Variants in CFAP299 observed in about 807,000 individuals in gnomAD.
CFAP299 encodes the protein cilia- and flagella-associated protein 299.
A neutral mutation model predicts 27.0 loss-of-function variants in CFAP299; 21 were observed. The observed-to-expected ratio is 0.78, with a 90% confidence interval of 0.55 to 1.12. The LOEUF (loss-of-function observed/expected upper bound fraction) is 1.12, where lower values mean the gene tolerates loss of function less well. Ranked by LOEUF, CFAP299 falls within the 50% of genes most tolerant of loss-of-function variation. The pLI is 0.00. For missense variants in CFAP299, 310 were observed against 276.6 expected (o/e 1.12, Z -0.86); for synonymous variants, 104 against 98.1 (o/e 1.06, Z -0.36).
intron 2 of CFAP299, among the ~76,000 whole-genome samples, chr4:80,462,562 C>A (rs1729491086): frequency 6.6e-6 from 1 of 152,140 alleles, no homozygotes; most frequent in African/African-American, 2.4e-5. Flanking sequence ...GTTTTATCTC[C>A]CTATCCCTTC....
intron 2 of CFAP299, among the ~76,000 whole-genome samples, chr4:80,390,677 G>T: frequency 7.4e-6 from 1 of 134,382 alleles, no homozygotes; most frequent in African/African-American, 2.8e-5. Context: ...ATGTATACAT[G>T]TATACACACA....
chr4:80,874,261 T>C (rs1402693895), intron 4 of CFAP299, among the ~76,000 whole-genome samples: 1 of 152,170 alleles, frequency 6.6e-6, no homozygotes, highest in Non-Finnish European at 1.5e-5. Context: ...TTCACTGAAT[T>C]TGAAAGAGGG....
chr4:80,646,984 AGAGAGT>A lies in CFAP299; in HGVS notation c.333+63803_333+63808del, dbSNP rs143337089. Among the ~76,000 whole-genome samples, 1,411 of 144,990 alleles carry A rather than the reference AGAGAGT, an allele frequency of 9.7e-3. 21 individuals carry two copies. Among genetic ancestry groups the A allele is most frequent in the African/African-American group, 0.034 (1,324 of 38,730 alleles). On this transcript the variant is annotated intron_variant, in intron 3 of 5. Transcript: ENST00000358105. Reference sequence around the variant, plus strand: ...CCAATTCTTTGAGAGAGAGAGAGAGAGAGAGTGTGTGTGTGTGTGTGTGTGTGTGTG... The same window carrying A: ...CCAATTCTTTGAGAGAGAGAGAGAGAGTGTGTGTGTGTGTGTGTGTGTGTG...
intron 2 of CFAP299, among the ~76,000 whole-genome samples, chr4:80,467,638 A>G (rs1365380308): frequency 1.3e-5 from 2 of 152,272 alleles, no homozygotes; most frequent in African/African-American, 4.8e-5. Context: ...AGTATGGAAT[A>G]TGTAATATAA....
At chr4:80,954,431 G>A (rs548800122) in intron 5 of CFAP299, among the ~76,000 whole-genome samples, 1 of 152,276 alleles carries the variant, frequency 6.6e-6, no homozygotes, top group African/African-American at 2.4e-5. Flanking sequence ...AGCATGAATA[G>A]TGACCAAGAC....
At chr4:80,899,451 C>A (rs1384877516) in intron 4 of CFAP299, among the ~76,000 whole-genome samples, 1 of 152,038 alleles carries the variant, frequency 6.6e-6, no homozygotes, top group African/African-American at 2.4e-5. Context: ...GAAAATGAAT[C>A]TGAGAAGGAA....
intron 3 of CFAP299, among the ~76,000 whole-genome samples, chr4:80,717,232 A>G (rs1722541817): frequency 6.6e-6 from 1 of 152,108 alleles, no homozygotes; most frequent in Non-Finnish European, 1.5e-5. Flanking sequence ...ACATAGGACC[A>G]CTTAGAGGAG....
At position 80,590,654 on chromosome 4, in the gene CFAP299, C is replaced by T. The variant is rs146150709; in HGVS notation, c.333+7471C>T. 1.6e-3 allele frequency among the ~76,000 whole-genome samples: 248 copies of T among 152,038 alleles called. 4 individuals carry two copies. The highest frequency in any genetic ancestry group is 5.8e-3 in the African/African-American group (240 of 41,482). On this transcript the variant is annotated intron_variant, in intron 3 of 5. Transcript: ENST00000358105. ...CTCTGTCTCAGAAAACAAAACAAAA[C>T]CATGCACACGGCATCCTTAATAACT...
At chr4:80,469,661 G>A (rs1197695553) in intron 2 of CFAP299, among the ~76,000 whole-genome samples, 1 of 152,080 alleles carries the variant, frequency 6.6e-6, no homozygotes, top group South Asian at 2.1e-4. Flanking sequence ...CTTTAAGAGT[G>A]TAATGCCAGA....
At chr4:80,712,342 G>T (rs1722225399) in intron 3 of CFAP299, among the ~76,000 whole-genome samples, 1 of 152,176 alleles carries the variant, frequency 6.6e-6, no homozygotes, top group Non-Finnish European at 1.5e-5. Context: ...CTGAGATAAA[G>T]CAGATTAGCT....
Position 80,953,209 on chromosome 4 carries a change from C to T in CFAP299, c.606+8270C>T, listed in dbSNP as rs368674863. Reference sequence around the variant, plus strand: ...ATTGGGCCAGTGGGGCAGGGGATATCTACTGAATCACCAACACCACTTTTT... The same window carrying T: ...ATTGGGCCAGTGGGGCAGGGGATATTTACTGAATCACCAACACCACTTTTT... On this transcript the variant is annotated intron_variant, in intron 5 of 5. Transcript: ENST00000358105. Among the ~76,000 whole-genome samples the T allele has an allele frequency of 5.3e-5, 8 of 152,306 alleles. 1 individual carries two copies. The highest frequency in any genetic ancestry group is 1.9e-4 in the African/African-American group (8 of 41,574).
chr4:80,451,258 T>C (rs528043166), intron 2 of CFAP299, among the ~76,000 whole-genome samples: 2 of 152,306 alleles, frequency 1.3e-5, no homozygotes, highest in Admixed American at 6.5e-5. Context: ...ATAGCTGATA[T>C]CTCTTTGTGT....
chr4:80,691,700 C>T (rs373399333), intron 3 of CFAP299, among the ~76,000 whole-genome samples: 2 of 150,710 alleles, frequency 1.3e-5, no homozygotes, highest in East Asian at 2.0e-4. Flanking sequence ...CCAGGGCAAT[C>T]AGGCAGGAGA....
At chr4:80,819,175 G>C (rs567513934) in intron 3 of CFAP299, among the ~76,000 whole-genome samples, 1 of 152,140 alleles carries the variant, frequency 6.6e-6, no homozygotes, top group South Asian at 2.1e-4. Flanking sequence ...TAGGATTTAT[G>C]ACAGCTTCAA....
At chr4:80,640,688 A>T (rs1225291054) in intron 3 of CFAP299, among the ~76,000 whole-genome samples, 6 of 152,050 alleles carry the variant, frequency 3.9e-5, no homozygotes, top group African/African-American at 1.5e-4. Context: ...TATTCATTGT[A>T]TTTGCTTACA....
At chr4:80,386,637 A>G (rs1725022169) in intron 2 of CFAP299, 7 of 1,596,816 alleles carry the variant, frequency 4.4e-6, no homozygotes, top group African/African-American at 1.3e-5. Flanking sequence ...CGGAACTTGT[A>G]GTAGCCCGTG....
intron 1 of CFAP299, among the ~76,000 whole-genome samples, chr4:80,344,555 A>T (rs1256481940): frequency 6.6e-6 from 1 of 152,194 alleles, no homozygotes; most frequent in African/African-American, 2.4e-5. Flanking sequence ...TTACACCTGA[A>T]TTCTACCAGA....
intron 3 of CFAP299, among the ~76,000 whole-genome samples, chr4:80,808,932 G>C (rs1560423439): frequency 6.6e-6 from 1 of 152,036 alleles, no homozygotes; most frequent in Non-Finnish European, 1.5e-5. Flanking sequence ...ATATCTTCCA[G>C]ATGCAGAGAA....
At chr4:80,771,570 G>A (rs1230210924) in intron 3 of CFAP299, among the ~76,000 whole-genome samples, 1 of 152,120 alleles carries the variant, frequency 6.6e-6, no homozygotes, top group Non-Finnish European at 1.5e-5. Flanking sequence ...AAGTTCCACT[G>A]GTTTAAAGAA....
Sources: allele counts gnomAD v4.1 joint callset (sites outside exome capture counted in the v4.1 genomes callset), GRCh38; gene constraint gnomAD v4.1.1; transcripts MANE v1.5; gene names NCBI Gene and HGNC (gene_info 2026-07-23, HGNC 2026-07-21).